The following KCNQ2 variants were observed in gnomAD, a reference collection of about 807,000 sequenced individuals.
KCNQ2 encodes the protein potassium voltage-gated channel subfamily Q member 2.
Under a neutral mutation model 84.8 loss-of-function variants are expected in KCNQ2, and 14 were observed. That is an observed-to-expected ratio of 0.17 (90% CI 0.11 to 0.26). KCNQ2 has a LOEUF of 0.26. Ranked by LOEUF, KCNQ2 falls within the 10% of genes least tolerant of loss-of-function variation. The pLI, the probability that KCNQ2 is intolerant of heterozygous loss-of-function variation, is 1.00. For synonymous variants in KCNQ2, 599 were observed against 554.1 expected (o/e 1.08, Z -1.14); for missense variants, 788 against 1,254.0 (o/e 0.63, Z 5.61).
chr20:63,431,206 C>G (rs761732258), intron 9 of KCNQ2, 134 bp downstream of exon 9: 19 of 1,042,728 alleles, frequency 1.8e-5, no homozygotes, highest in Non-Finnish European at 2.9e-5. Flanking sequence ...CATAGGGATG[C>G]TCGGTGGGCA....
At chr20:63,462,142 G>A (rs1260564592) in intron 1 of KCNQ2, among the ~76,000 whole-genome samples, 7 of 120,446 alleles carry the variant, frequency 5.8e-5, no homozygotes, top group Admixed American at 3.5e-4. Context: ...ACCTACCCCG[G>A]GGCAGCAGGG....
At chr20:63,412,123 C>T (rs982646189) in intron 15 of KCNQ2, 38 of 489,198 alleles carry the variant, frequency 7.8e-5, no homozygotes, top group African/African-American at 6.9e-4. Context: ...TGCGGAGACC[C>T]GGGTGCCACG....
chr20:63,427,321 C>T (rs188614464), intron 10 of KCNQ2, among the ~76,000 whole-genome samples: 3 of 152,276 alleles, frequency 2.0e-5, no homozygotes, highest in East Asian at 1.9e-4. Flanking sequence ...GAGTCCTCCA[C>T]GCATGAACCT....
At chr20:63,429,763 AG>A (rs1255058849) in intron 9 of KCNQ2, among the ~76,000 whole-genome samples, 1 of 151,990 alleles carries the variant, frequency 6.6e-6, no homozygotes, top group Admixed American at 6.5e-5. Context: ...CTCCCTCCAG[AG>A]CTGTCCAGAA....
intron 1 of KCNQ2, among the ~76,000 whole-genome samples, chr20:63,451,180 C>T (rs950968250): frequency 1.3e-5 from 2 of 151,518 alleles, no homozygotes; most frequent in Admixed American, 1.3e-4. Flanking sequence ...AAAATGAAGA[C>T]CAAGTCCAAC....
intron 6 of KCNQ2, 81 bp downstream of exon 6, chr20:63,439,517 T>A: frequency 9.5e-7 from 1 of 1,056,606 alleles, no homozygotes; most frequent in African/African-American, 1.6e-5. Flanking sequence ...CCTAGGGAAC[T>A]GTGCCCAGGG....
intron 4 of KCNQ2, among the ~76,000 whole-genome samples, chr20:63,443,469 CCACCAT>C (rs1568938003): frequency 2.6e-4 from 5 of 19,076 alleles, no homozygotes; most frequent in African/African-American, 8.2e-4. Context: ...ACCACCATCA[CCACCAT>C]CATCACCACC....
chr20:63,436,589 T>C (rs2081015279), intron 7 of KCNQ2, among the ~76,000 whole-genome samples: 2 of 151,580 alleles, frequency 1.3e-5, no homozygotes, highest in South Asian at 2.1e-4. Context: ...TCATCAGCAG[T>C]GGCCACCAGC....
At chr20:63,465,682 G>A (rs781719042) in intron 1 of KCNQ2, among the ~76,000 whole-genome samples, 7 of 152,188 alleles carry the variant, frequency 4.6e-5, no homozygotes, top group African/African-American at 9.7e-5. Flanking sequence ...TCTGTTAGGC[G>A]TGTTGAACAG....
intron 1 of KCNQ2, among the ~76,000 whole-genome samples, chr20:63,468,682 G>T (rs187456237): frequency 5.3e-5 from 8 of 152,364 alleles, no homozygotes; most frequent in African/African-American, 1.9e-4. Context: ...CTAAAACCCT[G>T]GACCCCAGCT....
intron 3 of KCNQ2, 85 bp from the exon 4 acceptor site, chr20:63,444,919 G>A: frequency 7.0e-7 from 1 of 1,418,568 alleles, no homozygotes; most frequent in Admixed American, 2.3e-5. Flanking sequence ...CGTTCCAGGA[G>A]GATGTGCAGA....
Position 63,425,816 on chromosome 20 carries a change from G to A in KCNQ2, c.1218-1610C>T, listed in dbSNP as rs915927700. On this transcript the variant is annotated intron_variant, in intron 10 of 16. Transcript: ENST00000359125. The surrounding 1 kb of genome is among the most constrained non-coding windows in gnomAD (Gnocchi z 5.5). ...TTAAATCAGGTATGTGTGAGACCGT[G>A]GGTGTGCGCCAACCTGGGGCTAAAG... Among the ~76,000 whole-genome samples the A allele has an allele frequency of 1.3e-5, 2 of 152,212 alleles. No homozygotes were observed. The highest frequency in any genetic ancestry group is 3.8e-4 in the East Asian group (2 of 5,200).
chr20:63,427,078 C>T (rs902066853), intron 10 of KCNQ2, among the ~76,000 whole-genome samples: 7 of 152,124 alleles, frequency 4.6e-5, no homozygotes, highest in Non-Finnish European at 1.0e-4. Context: ...AAAACTTAGC[C>T]GGGCGTAGTA....
At chr20:63,416,604 G>A (rs1478995223) in intron 12 of KCNQ2, among the ~76,000 whole-genome samples, 6 of 152,150 alleles carry the variant, frequency 3.9e-5, no homozygotes. Flanking sequence ...CCTTCGGGTG[G>A]GGAGGCCCCG....
rs1311489298 is a variant in KCNQ2, at chr20:63,400,790, C to A, written c.*5854G>T. On this transcript the variant is annotated 3_prime_UTR_variant, in exon 17 of 17. Coordinates refer to ENST00000359125, the MANE Select transcript of KCNQ2 (RefSeq NM_172107.4). The surrounding 1 kb of genome is among the most constrained non-coding windows in gnomAD (Gnocchi z 8.7). ...ACCACCAGCTCTGGGCGCCTCAGTG[C>A]GAGACCCCTCCGTGAGACCCCTCCT... The A allele has an allele frequency of 5.0e-6, 2 of 398,374 alleles. No individual in the cohort carries two copies. The highest frequency in any genetic ancestry group is 1.3e-4 in the South Asian group (1 of 7,864). The allele number at this position is 398,374 out of a possible 1,614,324, so 24.7% of individuals were successfully genotyped here.
At position 63,438,239 on chromosome 20, in the gene KCNQ2, G is replaced by A; in HGVS notation, c.1023+386C>T. 3.0e-6 allele frequency: 1 copy of A among 332,238 alleles called. No individual in the cohort carries two copies. The highest frequency in any genetic ancestry group is 3.1e-5 in the South Asian group (1 of 32,048). The allele number at this position is 332,238 out of a possible 1,614,324, so 20.6% of individuals were successfully genotyped here. ...CGGGCGGGCATCATGGGGGCCCACA[G>A]CCAGCATCAGGGGTCAGACGAGGTC... On this transcript the variant is annotated intron_variant, in intron 7 of 16. Transcript: ENST00000359125. The surrounding 1 kb of genome is among the most constrained non-coding windows in gnomAD (Gnocchi z 5.1).
Position 63,408,647 on chromosome 20 carries a change from C to A in KCNQ2, c.1764-111G>T. 6.6e-7 allele frequency: 1 copy of A among 1,508,124 alleles called. No homozygotes were observed. Among genetic ancestry groups the A allele is most frequent in the East Asian group, 2.4e-5 (1 of 41,482 alleles). 93.4% of individuals were successfully genotyped at this position (1,508,124 alleles called of 1,614,324 possible). ...CCCTGGGTCTAGGCTGCAGGCTCAGCCCAGAGCCGACCAGGGGGCAGTGGG... is the reference window on the plus strand; with the variant it reads ...CCCTGGGTCTAGGCTGCAGGCTCAGACCAGAGCCGACCAGGGGGCAGTGGG... On this transcript the variant is annotated intron_variant, in intron 15 of 16. Transcript: ENST00000359125. The surrounding 1 kb of genome is among the most constrained non-coding windows in gnomAD (Gnocchi z 5.0).
At chr20:63,426,381 C>A (rs1601609773) in intron 10 of KCNQ2, among the ~76,000 whole-genome samples, 1 of 152,340 alleles carries the variant, frequency 6.6e-6, no homozygotes, top group East Asian at 1.9e-4. Flanking sequence ...GGGCTTCTCT[C>A]CAAAGCAGGC....
At chr20:63,422,676 G>A (rs2080508948) in intron 11 of KCNQ2, 1 of 152,478 alleles carries the variant, frequency 6.6e-6, no homozygotes, top group South Asian at 2.1e-4. Flanking sequence ...GACGAGAGAG[G>A]GGCCCGAGAA....
Sources: allele counts gnomAD v4.1 joint callset (sites outside exome capture counted in the v4.1 genomes callset), GRCh38; gene constraint gnomAD v4.1.1; non-coding constraint Gnocchi (gnomAD v3.1); transcripts MANE v1.5; gene names NCBI Gene and HGNC (gene_info 2026-07-23, HGNC 2026-07-21).